MLLT10: variants seen among roughly 807,000 people sequenced by gnomAD.
MLLT10 encodes the protein MLLT10 histone lysine methyltransferase DOT1L cofactor.
MLLT10 carries 30 observed loss-of-function variants against 129.1 expected under a neutral mutation model. The ratio of observed to expected loss-of-function variants is 0.23; its 90% CI spans 0.17 to 0.32. The LOEUF (loss-of-function observed/expected upper bound fraction) is 0.32. MLLT10 is among the 10% of genes least tolerant of loss of function. The pLI is 1.00. For synonymous variants in MLLT10, 490 were observed against 446.4 expected (o/e 1.10, Z -1.23); for missense variants, 1,119 against 1,268.3 (o/e 0.88, Z 1.79).
At chr10:21,645,254 C>T (rs2048369345) in intron 8 of MLLT10, among the ~76,000 whole-genome samples, 1 of 152,022 alleles carries the variant, frequency 6.6e-6, no homozygotes, top group Non-Finnish European at 1.5e-5. Context: ...GAATATCTGC[C>T]CCTGCTTCCC....
chr10:21,583,943 C>T (rs1237397485), intron 3 of MLLT10, among the ~76,000 whole-genome samples: 7 of 151,762 alleles, frequency 4.6e-5, no homozygotes, highest in Admixed American at 4.6e-4. Flanking sequence ...GATCTCGGCT[C>T]ACTGCAAGCT....
rs1275065302 is a variant in MLLT10, at chr10:21,734,094, T to G, written c.2823T>G (p.Asn941Lys). The G allele has an allele frequency of 6.2e-7, 1 of 1,612,886 alleles. No individual in the cohort carries two copies. The change falls in exon 20 of 23, where the codon AAT becomes AAG. Residue 941 changes from asparagine (N) to lysine (K), a missense_variant. By Grantham distance (94) the Asn-to-Lys change is moderately conservative. Transcript: ENST00000307729. ...TCACCCACACAACCGTACCACCTAA[T>G]GCAACACATCCAATGCCAGCTACAC... ...TPLTHTTVPP[N>K]ATHPMPATLT...
At chr10:21,626,165 T>C (rs2046412098) in intron 8 of MLLT10, 1 of 1,609,448 alleles carries the variant, frequency 6.2e-7, no homozygotes, top group Non-Finnish European at 8.5e-7. Flanking sequence ...TGCACTTTTG[T>C]TCTGAACATG....
chr10:21,730,423 C>A (rs768625653), intron 16 of MLLT10, among the ~76,000 whole-genome samples: 10 of 149,540 alleles, frequency 6.7e-5, no homozygotes, highest in Non-Finnish European at 1.0e-4. Flanking sequence ...TTAAAAATTT[C>A]TTTTTAGTGA....
At chr10:21,630,296 TG>T (rs1256818253) in intron 8 of MLLT10, among the ~76,000 whole-genome samples, 1 of 152,216 alleles carries the variant, frequency 6.6e-6, no homozygotes, top group African/African-American at 2.4e-5. Context: ...TATTGGAGCA[TG>T]GGCCTAGAGG....
intron 13 of MLLT10, among the ~76,000 whole-genome samples, chr10:21,701,765 T>C (rs1486200999): frequency 1.3e-5 from 2 of 151,896 alleles, no homozygotes; most frequent in Non-Finnish European, 2.9e-5. Context: ...TTTTTTTATA[T>C]TTTTAGAAGA....
intron 8 of MLLT10, among the ~76,000 whole-genome samples, chr10:21,651,067 GTTT>G (rs2048981953): frequency 6.6e-6 from 1 of 151,662 alleles, no homozygotes; most frequent in African/African-American, 2.4e-5. Flanking sequence ...GTTTTGTTTT[GTTT>G]TGTTTTGTTT....
chr10:21,634,685 G>T (rs2047301318), intron 8 of MLLT10, among the ~76,000 whole-genome samples: 1 of 152,060 alleles, frequency 6.6e-6, no homozygotes, highest in Admixed American at 6.5e-5. Context: ...TTATTTCTTG[G>T]CATGCTTTGG....
In MLLT10 at chr10:21,681,453, G is replaced by A. The variant is rs188790792; in HGVS notation, c.1666+77G>A. On this transcript the variant is annotated intron_variant, in intron 12 of 22. Coordinates refer to ENST00000307729, the MANE Select transcript of MLLT10 (RefSeq NM_001195626.3). ...TCTTTCTAGTATGTTATGCCACCTC[G>A]GAACCTCTAAATTTTAATATTCCAA... 6,663 of 965,694 alleles carry A rather than the reference G, an allele frequency of 6.9e-3. 33 individuals carry two copies. Among genetic ancestry groups the A allele is most frequent in the Non-Finnish European group, 8.3e-3 (5,234 of 633,398 alleles). The allele number at this position is 965,694 out of a possible 1,614,324, so 59.8% of individuals were successfully genotyped here.
chr10:21,726,202 T>G, intron 14 of MLLT10, 42 bp from the exon 15 acceptor site: 3 of 1,285,056 alleles, frequency 2.3e-6, no homozygotes, highest in Non-Finnish European at 3.3e-6. Context: ...TTAATATATT[T>G]TCACATATAA....
Sources: gnomAD v4.1 joint callset for allele counts (sites outside exome capture counted in the v4.1 genomes callset) on GRCh38, gnomAD v4.1.1 for gene constraint, MANE v1.5 for transcripts, NCBI Gene and HGNC (gene_info 2026-07-23, HGNC 2026-07-21) for gene names.